Variants in MARCHF10 observed in about 807,000 individuals in gnomAD.
The protein encoded by MARCHF10 is membrane associated ring-CH-type finger 10.
A neutral mutation model predicts 76.2 loss-of-function variants in MARCHF10; 64 were observed. The observed-to-expected ratio is 0.84, with a 90% CI of 0.69 to 1.03. The LOEUF (loss-of-function observed/expected upper bound fraction) is 1.03, where lower values mean the gene tolerates loss of function less well. Among genes scored for constraint, MARCHF10 ranks in the 50% least tolerant of loss-of-function variants. The pLI is 0.00. For missense variants in MARCHF10, 875 were observed against 958.0 expected, an observed-to-expected ratio of 0.91 and a Z score of 1.14; for synonymous variants, 340 against 357.5, an observed-to-expected ratio of 0.95 and a Z score of 0.55.
At chr17:62,724,862 C>T in intron 7 of MARCHF10, 76 bp downstream of exon 7, 4 of 1,536,470 alleles carry the variant, frequency 2.6e-6, no homozygotes, top group Non-Finnish European at 3.6e-6. Flanking sequence ...GATGACAAGG[C>T]TCCGGGGCCC....
At chr17:62,716,448 A>G (rs2090200816) in intron 8 of MARCHF10, among the ~76,000 whole-genome samples, 2 of 150,634 alleles carry the variant, frequency 1.3e-5, no homozygotes, top group South Asian at 4.2e-4. Flanking sequence ...AAAAAAAAAG[A>G]AAAAAAGCAG....
At chr17:62,728,651 G>A (rs1415795745) in intron 6 of MARCHF10, among the ~76,000 whole-genome samples, 3 of 152,144 alleles carry the variant, frequency 2.0e-5, no homozygotes, top group Admixed American at 6.5e-5. Context: ...GGAACAGCAA[G>A]AGATAAGGAG....
intron 8 of MARCHF10, among the ~76,000 whole-genome samples, chr17:62,719,411 A>G (rs1430842017): frequency 6.6e-6 from 1 of 152,148 alleles, no homozygotes; most frequent in Non-Finnish European, 1.5e-5. Flanking sequence ...GGGTACAGAA[A>G]TCTAGGTTGG....
intron 8 of MARCHF10, among the ~76,000 whole-genome samples, chr17:62,716,234 G>C (rs1466703383): frequency 2.6e-5 from 4 of 152,148 alleles, no homozygotes; most frequent in Admixed American, 1.3e-4. Flanking sequence ...TGCGGGTCTT[G>C]GGTACGGCAG....
chr17:62,709,510 C>T (rs777797412), intron 9 of MARCHF10, among the ~76,000 whole-genome samples: 3 of 151,842 alleles, frequency 2.0e-5, no homozygotes, highest in Admixed American at 6.6e-5. Context: ...ACAAAAAAAA[C>T]GAGGCATCCA....
chr17:62,756,651 G>A (rs1568167242), intron 4 of MARCHF10, among the ~76,000 whole-genome samples: 1 of 152,204 alleles, frequency 6.6e-6, no homozygotes, highest in Admixed American at 6.5e-5. Flanking sequence ...AAGGCTGGAT[G>A]TATGTTTTAT....
At chr17:62,716,649 A>G (rs2090214456) in intron 8 of MARCHF10, among the ~76,000 whole-genome samples, 1 of 151,856 alleles carries the variant, frequency 6.6e-6, no homozygotes, top group African/African-American at 2.4e-5. Context: ...TTGGGTGGTA[A>G]ATTATAAGAA....
At chr17:62,701,882 C>T (rs1291778287) in intron 10 of MARCHF10, 124 bp from the exon 11 acceptor site, 24 of 1,265,890 alleles carry the variant, frequency 1.9e-5, no homozygotes, top group Non-Finnish European at 2.6e-5. Context: ...ACCCACATGG[C>T]CACAGTGCCT....
At chr17:62,725,594 T>C (rs2147729984) in intron 6 of MARCHF10, among the ~76,000 whole-genome samples, 1 of 152,330 alleles carries the variant, frequency 6.6e-6, no homozygotes. Flanking sequence ...CAGGCTTCTT[T>C]GCAATTGTCA....
In MARCHF10 at chr17:62,725,075, C is replaced by G; in HGVS notation, c.1967G>C (p.Gly656Ala). ...SLLEEDSEEEGDLCRICQIAG... is the reference protein window; with the variant it reads ...SLLEEDSEEEADLCRICQIAG... Reference sequence around the variant, plus strand: ...TATCTGACAGATGCGACACAAGTCTCCCTCCTCCTCGGAGTCCTCCTCCAG... The same window carrying G: ...TATCTGACAGATGCGACACAAGTCTGCCTCCTCCTCGGAGTCCTCCTCCAG... Residue 656 changes from glycine (G) to alanine (A), a missense_variant, in exon 7 of 11, where the codon GGA (glycine) becomes GCA (alanine). Physicochemically the swap from Gly to Ala is moderately conservative, Grantham distance 60 (BLOSUM62 0). Transcript: ENST00000311269. The G allele has an allele frequency of 6.2e-7, 1 of 1,601,710 alleles. No homozygotes were observed. The highest frequency in any genetic ancestry group is 8.5e-7 in the Non-Finnish European group (1 of 1,175,712).
In MARCHF10 at chr17:62,737,256, G is replaced by A. The variant is rs1279463701; in HGVS notation, c.612C>T (p.Val204=). ...TCTCAGTCATTGGCTGTGACGATGG[G>A]ACCAAGTTTCTTCTCTCTTGATTTG... ...KRPNQERRNL[V]PSSQPMTENA... The change falls in exon 6 of 11, where the codon GTC becomes GTT. Residue 204 remains valine (V), a synonymous_variant. Coordinates refer to ENST00000311269, the MANE Select transcript of MARCHF10 (RefSeq NM_152598.4). 1.9e-6 allele frequency: 3 copies of A among 1,613,782 alleles called. No homozygotes were observed. The highest frequency in any genetic ancestry group is 1.7e-6 in the Non-Finnish European group (2 of 1,179,974).
At chr17:62,716,541 C>T (rs1433081496) in intron 8 of MARCHF10, among the ~76,000 whole-genome samples, 1 of 151,966 alleles carries the variant, frequency 6.6e-6, no homozygotes, top group East Asian at 1.9e-4. Context: ...GGACCCTGGC[C>T]CCATCCCAGA....
chr17:62,714,247 A>G (rs2090077916), intron 8 of MARCHF10: 4 of 268,078 alleles, frequency 1.5e-5, no homozygotes, highest in African/African-American at 2.3e-5. Context: ...TTACCTGGAA[A>G]GCGCTGCCGG....
intron 3 of MARCHF10, among the ~76,000 whole-genome samples, chr17:62,774,585 C>T (rs1348969313): frequency 1.3e-5 from 2 of 152,096 alleles, no homozygotes; most frequent in Non-Finnish European, 2.9e-5. Context: ...GAGAAGGGGT[C>T]TGAGGTGCAT....
intron 2 of MARCHF10, among the ~76,000 whole-genome samples, chr17:62,800,840 T>G (rs1449368646): frequency 6.6e-6 from 1 of 152,204 alleles, no homozygotes; most frequent in Non-Finnish European, 1.5e-5. Flanking sequence ...TCAGGCTCCC[T>G]GTGTGTTTTG....
intron 10 of MARCHF10, 97 bp from the exon 11 acceptor site, chr17:62,701,855 A>G (rs1185568489): frequency 1.3e-6 from 2 of 1,520,716 alleles, no homozygotes; most frequent in Non-Finnish European, 1.8e-6. Flanking sequence ...CTCCCACCCC[A>G]TCCCTGAGGC....
At chr17:62,729,906 G>A (rs943627000) in intron 6 of MARCHF10, among the ~76,000 whole-genome samples, 17 of 152,184 alleles carry the variant, frequency 1.1e-4, no homozygotes, top group African/African-American at 2.9e-4. Context: ...TAAATCAGCC[G>A]GGTGCAGTGG....
intron 2 of MARCHF10, among the ~76,000 whole-genome samples, chr17:62,800,016 C>T (rs182394761): frequency 2.2e-4 from 34 of 152,308 alleles, no homozygotes; most frequent in South Asian, 1.2e-3. Flanking sequence ...TCACCGCCTC[C>T]AACCCCTTAA....
Position 62,736,354 on chromosome 17 carries a change from G to A in MARCHF10, c.1514C>T (p.Ser505Leu), listed in dbSNP as rs761434025. The change falls in exon 6 of 11, where the codon TCA (serine) becomes TTA (leucine). Residue 505 changes from serine (S) to leucine (L), a missense_variant. Ser to Leu is a moderately radical substitution (Grantham distance 145, BLOSUM62 -2). Transcript: ENST00000311269. ...CAGTGGTTGGCAAACATGAAACCCT[G>A]AGTTTCCCTCTGAGTCTGAGCTGTG... ...SVHSSDSEGN[S>L]GFHVCQPLSP... The A allele has an allele frequency of 1.4e-5, 23 of 1,614,074 alleles. 1 individual carries two copies. In the South Asian group the frequency reaches 2.5e-4, roughly 18 times the overall value.
Sources: allele counts gnomAD v4.1 joint callset (sites outside exome capture counted in the v4.1 genomes callset), GRCh38; gene constraint gnomAD v4.1.1; transcripts MANE v1.5; gene names NCBI Gene and HGNC (gene_info 2026-07-23, HGNC 2026-07-21).